Variants in CLXN observed in about 807,000 individuals in gnomAD.
The protein encoded by CLXN is calaxin, also known as EF-hand calcium binding domain 1.
the CLXN span, among the ~76,000 whole-genome samples, chr8:48,734,863 G>C: frequency 6.6e-6 from 1 of 152,328 alleles, no homozygotes; most frequent in South Asian, 2.1e-4. Context: ...ATGTGTGGGA[G>C]TGTAGGTAGC....
chr8:48,726,337 C>G, the CLXN span, among the ~76,000 whole-genome samples: 5 of 150,208 alleles, frequency 3.3e-5, no homozygotes, highest in East Asian at 1.0e-3. Context: ...TCACCTCATC[C>G]ATCCACCCAT....
chr8:48,721,103 G>A, the CLXN span, among the ~76,000 whole-genome samples: 9 of 152,146 alleles, frequency 5.9e-5, no homozygotes, highest in Admixed American at 2.0e-4. Flanking sequence ...GAACAAATAA[G>A]TGAATTTCAT....
At chr8:48,730,530 G>T in the CLXN span, 1 of 1,568,166 alleles carries the variant, frequency 6.4e-7, no homozygotes, top group Non-Finnish European at 8.8e-7. Context: ...AGGACAACCT[G>T]CAATCTTACA....
chr8:48,723,359 A>C, the CLXN span: 1 of 152,220 alleles, frequency 6.6e-6, no homozygotes, highest in Non-Finnish European at 1.5e-5. Context: ...GTCAAAGTCC[A>C]TCTATGTAAG....
chr8:48,724,843 A>C, the CLXN span: 1 of 1,548,372 alleles, frequency 6.5e-7, no homozygotes, highest in South Asian at 1.1e-5. Flanking sequence ...TTTCCAAAAA[A>C]GGTAGAACAC....
the CLXN span, among the ~76,000 whole-genome samples, chr8:48,723,128 TA>T: frequency 3.9e-5 from 6 of 152,208 alleles, no homozygotes; most frequent in African/African-American, 1.4e-4. Context: ...AAATTTGCTC[TA>T]AAGGTGGCTA....
chr8:48,713,380 C>T, the CLXN span, among the ~76,000 whole-genome samples: 15 of 152,226 alleles, frequency 9.9e-5, no homozygotes, highest in Middle Eastern at 0.01. Flanking sequence ...TAGCTGTGAA[C>T]GACTGGGCGA....
At chr8:48,721,216 C>CA in the CLXN span, among the ~76,000 whole-genome samples, 1 of 151,122 alleles carries the variant, frequency 6.6e-6, no homozygotes, top group African/African-American at 2.4e-5. Flanking sequence ...CTAATAGCAG[C>CA]AAAAAAATAA....
At chr8:48,722,294 A>G in the CLXN span, among the ~76,000 whole-genome samples, 1 of 152,222 alleles carries the variant, frequency 6.6e-6, no homozygotes, top group African/African-American at 2.4e-5. Context: ...GCTGACAAGG[A>G]TATGGAGAAA....
At chr8:48,718,455 A>G in the CLXN span, among the ~76,000 whole-genome samples, 1 of 152,100 alleles carries the variant, frequency 6.6e-6, no homozygotes. Context: ...GCGCAACACT[A>G]TGGATGAAAA....
the CLXN span, among the ~76,000 whole-genome samples, chr8:48,717,890 C>G: frequency 7.5e-3 from 1,142 of 151,920 alleles, 8 homozygotes; most frequent in Admixed American, 0.014. Flanking sequence ...ACAAAAATAC[C>G]CAAAAACAAT....
the CLXN span, among the ~76,000 whole-genome samples, chr8:48,727,023 CCATCCATCCATT>C: frequency 1.3e-5 from 2 of 151,200 alleles, no homozygotes; most frequent in African/African-American, 2.4e-5. Flanking sequence ...ATCCATCCAT[CCATCCATCCATT>C]CATCCATCCA....
the CLXN span, chr8:48,730,223 T>C: frequency 3.3e-6 from 1 of 306,802 alleles, no homozygotes; most frequent in South Asian, 9.2e-5. Context: ...AGTTTTATGG[T>C]TACAATTCAA....
chr8:48,717,790 T>A, the CLXN span, among the ~76,000 whole-genome samples: 1 of 152,154 alleles, frequency 6.6e-6, no homozygotes, highest in African/African-American at 2.4e-5. Flanking sequence ...TTGTGTGTGA[T>A]CAAAGGTAAA....
the CLXN span, among the ~76,000 whole-genome samples, chr8:48,726,546 CATCT>C: frequency 1.4e-3 from 203 of 147,412 alleles, no homozygotes; most frequent in African/African-American, 2.4e-3. Context: ...TCTATCCATC[CATCT>C]ACCTACCCGC....
At chr8:48,731,367 A>ATCTG in the CLXN span, 1 of 1,612,350 alleles carries the variant, frequency 6.2e-7, no homozygotes, top group Non-Finnish European at 8.5e-7. Context: ...TAATCATGTC[A>ATCTG]TCTGTCATTC....
At chr8:48,729,072 C>T in the CLXN span, 1 of 1,612,944 alleles carries the variant, frequency 6.2e-7, no homozygotes, top group Non-Finnish European at 8.5e-7. Context: ...GCCCAAAGGC[C>T]TCCAGTAGAA....
chr8:48,733,625 A>G, the CLXN span, among the ~76,000 whole-genome samples: 3 of 152,212 alleles, frequency 2.0e-5, no homozygotes, highest in Non-Finnish European at 2.9e-5. Context: ...ATGACGTATA[A>G]CTATTTCTAT....
the CLXN span, chr8:48,729,770 C>T: frequency 6.2e-6 from 10 of 1,613,230 alleles, no homozygotes; most frequent in Non-Finnish European, 8.5e-6. Flanking sequence ...TCATCAGGGT[C>T]TTCCTCAGAT....
Sources: gnomAD v4.1 joint callset for allele counts (sites outside exome capture counted in the v4.1 genomes callset) on GRCh38, gnomAD v4.1.1 for gene constraint, MANE v1.5 for transcripts, NCBI Gene and HGNC (gene_info 2026-07-23, HGNC 2026-07-21) for gene names.